BTRC: variants seen among roughly 807,000 people sequenced by gnomAD.
The protein encoded by BTRC is beta-transducin repeat containing E3 ubiquitin protein ligase.
Under a neutral mutation model 85.5 loss-of-function variants are expected in BTRC, and 42 were observed. The ratio of observed to expected loss-of-function variants is 0.49; its 90% confidence interval spans 0.38 to 0.64. The LOEUF is 0.64. Among genes scored for constraint, BTRC ranks in the 30% least tolerant of loss-of-function variants. The pLI is 0.00. For missense variants in BTRC, 594 were observed against 743.5 expected (o/e 0.80, Z 2.34); for synonymous variants, 255 against 263.3 (o/e 0.97, Z 0.30).
chr10:101,477,290 C>A (rs143673511), intron 3 of BTRC, among the ~76,000 whole-genome samples: 9 of 149,628 alleles, frequency 6.0e-5, no homozygotes, highest in African/African-American at 2.2e-4. Flanking sequence ...TGTTAGCCAC[C>A]AGGCCCCACC....
At chr10:101,475,539 CAAAACA>C (rs147049360) in intron 3 of BTRC, among the ~76,000 whole-genome samples, 64 of 151,902 alleles carry the variant, frequency 4.2e-4, no homozygotes, top group African/African-American at 1.4e-3. Flanking sequence ...GACTCCGTCT[CAAAACA>C]AAAACAAAAA....
intron 1 of BTRC, chr10:101,364,825 T>TTTGTAATACCAGCACTAC (rs1942316232): frequency 6.6e-6 from 1 of 151,438 alleles, no homozygotes; most frequent in Non-Finnish European, 1.5e-5. Context: ...ATTCTTTTTT[T>TTTGTAATACCAGCACTAC]TTTTTTTTTG....
rs3127240 is a variant in BTRC at position 101,552,322 on chromosome 10, C to T, written c.*32-833C>T. On this transcript the variant is annotated intron_variant, in intron 14 of 14. Coordinates refer to ENST00000370187, the MANE Select transcript of BTRC (RefSeq NM_033637.4). ...TCCTGCCTCAGCCTCCTGAGTACCGCGGGCACACAACACCATGACCAGCTA... is the reference window on the plus strand; with the variant it reads ...TCCTGCCTCAGCCTCCTGAGTACCGTGGGCACACAACACCATGACCAGCTA... 3.6e-3 allele frequency among the ~76,000 whole-genome samples: 548 copies of T among 150,550 alleles called. 6 individuals carry two copies. The highest frequency in any genetic ancestry group is 0.013 in the African/African-American group (517 of 41,132).
chr10:101,403,109 C>T (rs1943530279), intron 1 of BTRC, among the ~76,000 whole-genome samples: 1 of 152,152 alleles, frequency 6.6e-6, no homozygotes, highest in Non-Finnish European at 1.5e-5. Flanking sequence ...AATTTCTAAG[C>T]ATTGATGGCA....
intron 4 of BTRC, among the ~76,000 whole-genome samples, chr10:101,510,385 C>A (rs1409586801): frequency 6.6e-6 from 1 of 151,784 alleles, no homozygotes; most frequent in Non-Finnish European, 1.5e-5. Flanking sequence ...TGGTGGGTGC[C>A]TGTAGTCCCA....
At chr10:101,497,875 C>G (rs1352345598) in intron 4 of BTRC, among the ~76,000 whole-genome samples, 1 of 151,910 alleles carries the variant, frequency 6.6e-6, no homozygotes, top group Admixed American at 6.5e-5. Context: ...CAAAAATTAA[C>G]TGGGCATGGT....
At chr10:101,412,225 A>G (rs531839014) in intron 1 of BTRC, among the ~76,000 whole-genome samples, 3 of 152,348 alleles carry the variant, frequency 2.0e-5, no homozygotes, top group Non-Finnish European at 2.9e-5. Flanking sequence ...ACCTTTTTCT[A>G]CATAATTCAT....
chr10:101,494,954 A>C (rs1056288912), intron 4 of BTRC, among the ~76,000 whole-genome samples: 1 of 152,200 alleles, frequency 6.6e-6, no homozygotes, highest in Non-Finnish European at 1.5e-5. Flanking sequence ...GGGAGTTTAC[A>C]AGCATAGGAA....
At chr10:101,482,715 A>G (rs1945873038) in intron 4 of BTRC, among the ~76,000 whole-genome samples, 1 of 151,880 alleles carries the variant, frequency 6.6e-6, no homozygotes, top group Admixed American at 6.6e-5. Context: ...ATTGGCCTCT[A>G]TTGCTTGACC....
rs192897708 is a variant in BTRC, at chr10:101,517,203, C to G, written c.325-4436C>G. Among the ~76,000 whole-genome samples, 10 of 152,306 alleles carry G rather than the reference C, an allele frequency of 6.6e-5. No individual in the cohort carries two copies. The East Asian group carries it at 1.9e-3, about 29-fold the overall frequency. ...CATTTATGCTAGAAAACATCCACCTCAACACACCAGGATTACAGGTGTCAG... is the reference window on the plus strand; with the variant it reads ...CATTTATGCTAGAAAACATCCACCTGAACACACCAGGATTACAGGTGTCAG... On this transcript the variant is annotated intron_variant, in intron 4 of 14. Transcript: ENST00000370187.
intron 1 of BTRC, among the ~76,000 whole-genome samples, chr10:101,371,454 G>C (rs1379407613): frequency 6.6e-6 from 1 of 152,228 alleles, no homozygotes; most frequent in African/African-American, 2.4e-5. Flanking sequence ...TGGGATTACA[G>C]GCATGAGCCA....
intron 1 of BTRC, among the ~76,000 whole-genome samples, chr10:101,416,484 T>G (rs1943949033): frequency 1.3e-5 from 2 of 152,198 alleles, no homozygotes; most frequent in African/African-American, 4.8e-5. Flanking sequence ...GGCATCTCTG[T>G]TTTTGGTGCC....
chr10:101,458,389 T>G (rs780175224), intron 2 of BTRC, among the ~76,000 whole-genome samples: 1 of 152,162 alleles, frequency 6.6e-6, no homozygotes, highest in Non-Finnish European at 1.5e-5. Context: ...CAAGAGAATT[T>G]TGGGAGTGGT....
At chr10:101,395,974 T>C (rs548508931) in intron 1 of BTRC, among the ~76,000 whole-genome samples, 17 of 152,160 alleles carry the variant, frequency 1.1e-4, no homozygotes, top group Admixed American at 2.6e-4. Context: ...GGGAGAAGGT[T>C]TTGTATTTTT....
Position 101,531,721 on chromosome 10 carries a change from A to C in BTRC, c.840+388A>C, listed in dbSNP as rs548739554. Among the ~76,000 whole-genome samples, 714 of 152,308 alleles carry C rather than the reference A, an allele frequency of 4.7e-3. 8 individuals are homozygous for C. Among genetic ancestry groups the C allele is most frequent in the African/African-American group, 0.016 (670 of 41,572 alleles). ...GAACGACAGAGCGAGACTCCATCAA[A>C]AAAAAAGAAAAGGAAAAGAAAATCA... On this transcript the variant is annotated intron_variant, in intron 7 of 14. Transcript: ENST00000370187.
intron 1 of BTRC, among the ~76,000 whole-genome samples, chr10:101,367,028 A>ATATTTATAT (rs1942473317): frequency 1.6e-5 from 1 of 61,392 alleles, no homozygotes; most frequent in African/African-American, 5.1e-5. Context: ...TTATATTTAT[A>ATATTTATAT]TATTTATATA....
intron 1 of BTRC, among the ~76,000 whole-genome samples, chr10:101,359,602 G>GTTTTT (rs1331909705): frequency 8.4e-4 from 88 of 104,724 alleles, no homozygotes; most frequent in Non-Finnish European, 5.5e-4. Flanking sequence ...TAATTTTGTT[G>GTTTTT]TATTTTTTTT....
intron 13 of BTRC, among the ~76,000 whole-genome samples, chr10:101,547,858 A>G (rs1034877208): frequency 1.3e-5 from 2 of 152,220 alleles, no homozygotes; most frequent in Admixed American, 1.3e-4. Flanking sequence ...GCATTCAGAA[A>G]TCAATCAGTG....
At chr10:101,506,502 G>T (rs1483157615) in intron 4 of BTRC, among the ~76,000 whole-genome samples, 1 of 152,078 alleles carries the variant, frequency 6.6e-6, no homozygotes, top group Admixed American at 6.5e-5. Flanking sequence ...AGTCTTGGGG[G>T]TGGGGAGGAC....
Sources: allele counts gnomAD v4.1 joint callset (sites outside exome capture counted in the v4.1 genomes callset), GRCh38; gene constraint gnomAD v4.1.1; transcripts MANE v1.5; gene names NCBI Gene and HGNC (gene_info 2026-07-23, HGNC 2026-07-21).